XRCC2: variants seen among roughly 807,000 people sequenced by gnomAD.
XRCC2 encodes X-ray repair cross complementing 2.
XRCC2 carries 24 observed loss-of-function variants against 27.3 expected under a neutral mutation model. That is an observed-to-expected ratio of 0.88 (90% CI 0.64 to 1.24). The LOEUF (loss-of-function observed/expected upper bound fraction) is 1.24. Ranked by LOEUF, XRCC2 falls within the 50% of genes most tolerant of loss-of-function variation. XRCC2 has a pLI of 0.00. For synonymous variants in XRCC2, 106 were observed against 115.4 expected (o/e 0.92, Z 0.52); for missense variants, 321 against 325.8 (o/e 0.99, Z 0.11).
In XRCC2 at chr7:152,648,969, A is replaced by G. The variant is rs1249442580; in HGVS notation, c.516T>C (p.Thr172=). The change falls in exon 3 of 3, where the codon ACT becomes ACC. Residue 172 remains threonine, a synonymous_variant. Transcript: ENST00000359321. ...GGESVNLQES[T]LRKCSQCLEK... ...CTAAGCACTGAGAACATTTCCTCAG[A>G]GTAGACTCCTGTAAGTTCACACTTT... 2 of 1,614,112 alleles carry G rather than the reference A, an allele frequency of 1.2e-6. No homozygotes were observed. Among genetic ancestry groups the G allele is most frequent in the Non-Finnish European group, 1.7e-6 (2 of 1,180,048 alleles).
chr7:152,664,820 G>A (rs999986193), intron 1 of XRCC2, among the ~76,000 whole-genome samples: 5 of 152,154 alleles, frequency 3.3e-5, no homozygotes, highest in African/African-American at 1.2e-4. Flanking sequence ...CTGGCACCAG[G>A]GAGGGGAAAA....
intron 1 of XRCC2, among the ~76,000 whole-genome samples, chr7:152,667,405 C>CAGAAAAAA (rs2098036287): frequency 1.3e-5 from 1 of 75,892 alleles, no homozygotes; most frequent in Non-Finnish European, 2.3e-5. Context: ...AACTCCGTCT[C>CAGAAAAAA]AAAAAAAAAA....
chr7:152,658,863 T>G (rs2116997832), intron 2 of XRCC2, among the ~76,000 whole-genome samples: 1 of 152,384 alleles, frequency 6.6e-6, no homozygotes, highest in South Asian at 2.1e-4. Flanking sequence ...GGATTCATTA[T>G]AAGCACATTG....
intron 1 of XRCC2, among the ~76,000 whole-genome samples, chr7:152,671,691 G>T (rs1411220218): frequency 1.3e-5 from 2 of 152,154 alleles, no homozygotes; most frequent in African/African-American, 4.8e-5. Flanking sequence ...TAGTGAGAAA[G>T]TGAATTACTA....
chr7:152,667,441 T>C (rs1282931279), intron 1 of XRCC2, among the ~76,000 whole-genome samples: 1 of 145,378 alleles, frequency 6.9e-6, no homozygotes, highest in East Asian at 2.0e-4. Flanking sequence ...AAAAGTATTA[T>C]AATTTTATTG....
chr7:152,673,853 G>A (rs917909247), intron 1 of XRCC2, among the ~76,000 whole-genome samples: 6 of 152,088 alleles, frequency 3.9e-5, no homozygotes, highest in Admixed American at 1.3e-4. Flanking sequence ...TCCAGCCTGG[G>A]CGACAGAGTG....
chr7:152,657,874 A>G (rs1236831188), intron 2 of XRCC2, among the ~76,000 whole-genome samples: 2 of 152,194 alleles, frequency 1.3e-5, no homozygotes, highest in South Asian at 2.1e-4. Context: ...ACACAAAAGA[A>G]AACAGTAAAG....
At position 152,676,100 on chromosome 7, in the gene XRCC2, GGA is replaced by G. The variant is rs1563035924; in HGVS notation, c.-23_-22del. ...CACATCGCCCCGAAGGCTCGGCGCA[GGA>G]GAGACTCAACTTTCCCGCCACCAAC... On this transcript the variant is annotated 5_prime_UTR_variant, in exon 1 of 3. Coordinates refer to ENST00000359321, the MANE Select transcript of XRCC2 (RefSeq NM_005431.2). The G allele has an allele frequency of 5.6e-6, 9 of 1,613,574 alleles. No homozygotes were observed. Among genetic ancestry groups the G allele is most frequent in the East Asian group, 2.2e-5 (1 of 44,880 alleles).
chr7:152,671,147 G>A (rs111585335), intron 1 of XRCC2, among the ~76,000 whole-genome samples: 8,362 of 152,192 alleles, frequency 0.055, 339 homozygotes, highest in South Asian at 0.11. Flanking sequence ...TATGGGAGGC[G>A]GAGGCTGCAG....
rs925077183 is a variant in XRCC2 at position 152,646,049 on chromosome 7, G to A, written c.*2593C>T. ...AATACACCATCTCCTCTGTGCTTTGGATCTGTCCTGCTGTATTCGGTTCTT... is the reference window on the plus strand; with the variant it reads ...AATACACCATCTCCTCTGTGCTTTGAATCTGTCCTGCTGTATTCGGTTCTT... On this transcript the variant is annotated 3_prime_UTR_variant, in exon 3 of 3. Transcript: ENST00000359321. The A allele has an allele frequency of 1.3e-5, 2 of 152,132 alleles. No homozygotes were observed. Among genetic ancestry groups the A allele is most frequent in the South Asian group, 2.1e-4 (1 of 4,824 alleles). 9.4% of individuals were successfully genotyped at this position (152,132 alleles called of 1,614,324 possible).
chr7:152,668,010 A>G (rs1451711320), intron 1 of XRCC2, among the ~76,000 whole-genome samples: 2 of 151,298 alleles, frequency 1.3e-5, no homozygotes, highest in East Asian at 2.0e-4. Context: ...CCTAGGAGAC[A>G]GAACGAGACT....
chr7:152,648,381 G>A lies in XRCC2; in HGVS notation c.*261C>T, dbSNP rs2098026953. The A allele has an allele frequency of 1.3e-5, 3 of 239,546 alleles. No individual in the cohort carries two copies. The highest frequency in any genetic ancestry group is 2.4e-5 in the Non-Finnish European group (3 of 125,466). 14.8% of individuals were successfully genotyped at this position (239,546 alleles called of 1,614,324 possible). A position where few individuals can be genotyped will look rare whatever the true frequency, so the allele number is the denominator to read the frequency against. ...GAGATTGTGCCACTGCACTCCAGCA[G>A]CCTGGGAGACAGAGTAAGACTGTTT... On this transcript the variant is annotated 3_prime_UTR_variant, in exon 3 of 3. Coordinates refer to ENST00000359321, the MANE Select transcript of XRCC2 (RefSeq NM_005431.2).
At chr7:152,662,136 T>G (rs1215076939) in intron 1 of XRCC2, among the ~76,000 whole-genome samples, 1 of 152,026 alleles carries the variant, frequency 6.6e-6, no homozygotes, top group East Asian at 1.9e-4. Flanking sequence ...GGCTAATTTT[T>G]GTATTTTTAG....
chr7:152,673,919 G>T (rs1374784815), intron 1 of XRCC2, among the ~76,000 whole-genome samples: 1 of 152,048 alleles, frequency 6.6e-6, no homozygotes, highest in Admixed American at 6.6e-5. Flanking sequence ...CAGTTTCTTG[G>T]GTTAGCTTAT....
intron 2 of XRCC2, among the ~76,000 whole-genome samples, chr7:152,650,817 C>A (rs987064674): frequency 1.3e-5 from 2 of 152,054 alleles, no homozygotes; most frequent in African/African-American, 2.4e-5. Context: ...ACCTGGGAGA[C>A]AGAGGTTGCA....
At position 152,676,049 on chromosome 7, in the gene XRCC2, C is replaced by G. The variant is rs746259775; in HGVS notation, c.31G>C (p.Gly11Arg). The change falls in exon 1 of 3, where the codon GGG becomes CGG. Residue 11 changes from glycine to arginine, a missense_variant. Gly to Arg is a moderately radical substitution (Grantham distance 125). Transcript: ENST00000359321. ...AACCCGGCGGCTCTCACCTCGGTCCCAGACTCAGCCCTATGGAAGGCACTA... is the reference window on the plus strand; with the variant it reads ...AACCCGGCGGCTCTCACCTCGGTCCGAGACTCAGCCCTATGGAAGGCACTA... MCSAFHRAESGTELLARLEGR... is the reference protein window; with the variant it reads MCSAFHRAESRTELLARLEGR... 2 of 1,613,842 alleles carry G rather than the reference C, an allele frequency of 1.2e-6. No individual in the cohort carries two copies. Among genetic ancestry groups the G allele is most frequent in the South Asian group, 2.2e-5 (2 of 91,086 alleles).
At chr7:152,668,688 T>G (rs2098036952) in intron 1 of XRCC2, among the ~76,000 whole-genome samples, 1 of 152,166 alleles carries the variant, frequency 6.6e-6, no homozygotes, top group Non-Finnish European at 1.5e-5. Flanking sequence ...GAGGCAAAAT[T>G]TCCTAACTAG....
chr7:152,649,032 C>T lies in XRCC2; in HGVS notation c.453G>A (p.Leu151=), dbSNP rs1057522869. 2.5e-6 allele frequency: 4 copies of T among 1,614,166 alleles called. No individual in the cohort carries two copies. In the Admixed American group the frequency reaches 5.0e-5, roughly 20 times the overall value. ...CGCGGTCTATCCAGTAAAAAGCTGACAGGCTATCCAAAATCAAAAGGCAGA... is the reference window on the plus strand; with the variant it reads ...CGCGGTCTATCCAGTAAAAAGCTGATAGGCTATCCAAAATCAAAAGGCAGA... The part of the protein sequence containing the change: ...PSLCLLILDS[L]SAFYWIDRVN... The change falls in exon 3 of 3, where the codon CTG becomes CTA. Residue 151 remains leucine, a synonymous_variant. Transcript: ENST00000359321.
At chr7:152,674,211 A>T (rs2098039353) in intron 1 of XRCC2, among the ~76,000 whole-genome samples, 1 of 152,192 alleles carries the variant, frequency 6.6e-6, no homozygotes, top group African/African-American at 2.4e-5. Context: ...TATGATGTTA[A>T]ATTCTTTGTT....
Sources: gnomAD v4.1 joint callset for allele counts (sites outside exome capture counted in the v4.1 genomes callset) on GRCh38, gnomAD v4.1.1 for gene constraint, MANE v1.5 for transcripts, NCBI Gene and HGNC (gene_info 2026-07-23, HGNC 2026-07-21) for gene names.